Variants in WDR26 observed in about 807,000 individuals in gnomAD.
WDR26 encodes WD repeat-containing protein 26.
In WDR26, 5 loss-of-function variants were observed where a neutral mutation model predicts 84.1. The ratio of observed to expected loss-of-function variants is 0.06; its 90% CI spans 0.03 to 0.13. The LOEUF (loss-of-function observed/expected upper bound fraction) is 0.13, where lower values mean the gene tolerates loss of function less well. WDR26 is among the 10% of genes least tolerant of loss of function. WDR26 has a pLI of 1.00. For missense variants in WDR26, 642 were observed against 974.9 expected, an observed-to-expected ratio of 0.66 and a Z score of 4.55; for synonymous variants, 415 against 389.6, an observed-to-expected ratio of 1.07 and a Z score of -0.77.
At chr1:224,413,801 C>G (rs1462364101) in intron 6 of WDR26, among the ~76,000 whole-genome samples, 1 of 152,032 alleles carries the variant, frequency 6.6e-6, no homozygotes, top group Admixed American at 6.6e-5. Flanking sequence ...TTTTCCTCCT[C>G]TAATGTTTAT....
In WDR26 at chr1:224,415,453, C is replaced by CTTTTTTTTTTT. The variant is rs149995544; in HGVS notation, c.1319+2796_1319+2806dup. 3.6e-3 allele frequency among the ~76,000 whole-genome samples: 297 copies of CTTTTTTTTTTT among 82,282 alleles called. 21 individuals carry two copies. Among genetic ancestry groups the CTTTTTTTTTTT allele is most frequent in the African/African-American group, 0.013 (273 of 20,524 alleles). 54.0% of individuals were successfully genotyped at this position (82,282 alleles called of 152,430 possible). On this transcript the variant is annotated intron_variant, in intron 6 of 13. Transcript: ENST00000414423. ...ACAATTCTGGAACACGTATTTCTTT[C>CTTTTTTTTTTT]TTTTTTTTTTTTTTTTTTTTTTTTT...
At chr1:224,414,911 C>T (rs1224728266) in intron 6 of WDR26, among the ~76,000 whole-genome samples, 2 of 152,292 alleles carry the variant, frequency 1.3e-5, no homozygotes, top group African/African-American at 2.4e-5. Context: ...CACCTGAAGC[C>T]CCAGCTGCTC....
chr1:224,421,813 T>C (rs1283362217), intron 4 of WDR26, among the ~76,000 whole-genome samples: 1 of 152,184 alleles, frequency 6.6e-6, no homozygotes, highest in Non-Finnish European at 1.5e-5. Context: ...GATGTGGTAG[T>C]GGGTAAGACC....
chr1:224,414,198 C>T (rs546011170), intron 6 of WDR26, among the ~76,000 whole-genome samples: 16 of 147,392 alleles, frequency 1.1e-4, no homozygotes, highest in Admixed American at 4.7e-4. Context: ...CTCTACCTCC[C>T]GGGTTCAAGC....
At position 224,419,575 on chromosome 1, in the gene WDR26, C is replaced by A; in HGVS notation, c.1105G>T (p.Ala369Ser). 6.2e-7 allele frequency: 1 copy of A among 1,614,096 alleles called. No homozygotes were observed. The highest frequency in any genetic ancestry group is 8.5e-7 in the Non-Finnish European group (1 of 1,179,976). Residue 369 changes from alanine to serine, a missense_variant, in exon 5 of 14, where the codon GCA (alanine) becomes TCA (serine). Ala to Ser is a moderately conservative substitution (Grantham distance 99). Around this residue, in one of 2 missense-constraint regions of WDR26, gnomAD observed 351 missense variants for 672.8 expected, o/e 0.52. Coordinates refer to ENST00000414423, the MANE Select transcript of WDR26 (RefSeq NM_001379403.1). ...GCTGTCCCTTTGCCTTCCCATTCTG[C>A]TTTTGCACGTAGGTCTTCTGCATGG... is the stretch of plus-strand genomic sequence containing the variant.
Position 224,434,396 on chromosome 1 carries a change from G to T in WDR26, c.10C>A (p.Leu4Ile). 3 of 1,110,682 alleles carry T rather than the reference G, an allele frequency of 2.7e-6. No homozygotes were observed. Among genetic ancestry groups the T allele is most frequent in the Non-Finnish European group, 2.2e-6 (2 of 911,514 alleles). The allele number at this position is 1,110,682 out of a possible 1,614,324, so 68.8% of individuals were successfully genotyped here. ...GCGGAGGCCAGAGTTTCCTCGCCGAGAGAGGCCGTGGTGGGAAGCCGGTGG... is the reference window on the plus strand; with the variant it reads ...GCGGAGGCCAGAGTTTCCTCGCCGATAGAGGCCGTGGTGGGAAGCCGGTGG... Residue 4 changes from leucine (L) to isoleucine (I), a missense_variant, in exon 1 of 14, where the codon CTC becomes ATC. Physicochemically the swap from Leu to Ile is conservative, Grantham distance 5 (BLOSUM62 2). Transcript: ENST00000414423.
intron 3 of WDR26, among the ~76,000 whole-genome samples, chr1:224,428,563 T>C (rs1467192800): frequency 1.3e-5 from 2 of 152,104 alleles, no homozygotes; most frequent in Admixed American, 6.6e-5. Flanking sequence ...CCCATCCAAA[T>C]TGCCCAGAAA....
intron 7 of WDR26, among the ~76,000 whole-genome samples, chr1:224,405,435 C>T (rs939734290): frequency 2.6e-5 from 4 of 152,076 alleles, no homozygotes; most frequent in Admixed American, 6.6e-5. Context: ...TGGGTATATA[C>T]ATAGGAGTGG....
intron 3 of WDR26, among the ~76,000 whole-genome samples, chr1:224,426,666 C>CAA (rs573328756): frequency 0.017 from 1,774 of 104,300 alleles, 29 homozygotes; most frequent in African/African-American, 0.052. Flanking sequence ...CTAAACAATG[C>CAA]AAAAAAAAAA....
At chr1:224,416,876 T>C (rs1019647557) in intron 6 of WDR26, among the ~76,000 whole-genome samples, 4 of 152,212 alleles carry the variant, frequency 2.6e-5, no homozygotes, top group Non-Finnish European at 4.4e-5. Context: ...TCTCTTCCTA[T>C]TGCTATTCAA....
At chr1:224,408,258 A>G (rs941948628) in intron 7 of WDR26, among the ~76,000 whole-genome samples, 2 of 152,074 alleles carry the variant, frequency 1.3e-5, no homozygotes, top group Non-Finnish European at 2.9e-5. Flanking sequence ...ATAGTTCTTT[A>G]CCTCTTCTTC....
chr1:224,400,936 C>T lies in WDR26; in HGVS notation c.1719+14G>A. 2 of 1,607,530 alleles carry T rather than the reference C, an allele frequency of 1.2e-6. No homozygotes were observed. Among genetic ancestry groups the T allele is most frequent in the Non-Finnish European group, 1.7e-6 (2 of 1,178,002 alleles). On this transcript the variant is annotated intron_variant, in intron 9 of 13. Transcript: ENST00000414423. ...AAACCAACAGATACTGGGAAGGGGGCACTGAATACTTACACACTGATAGAA... is the reference window on the plus strand; with the variant it reads ...AAACCAACAGATACTGGGAAGGGGGTACTGAATACTTACACACTGATAGAA...
At chr1:224,422,191 C>G (rs1333229352) in intron 4 of WDR26, among the ~76,000 whole-genome samples, 1 of 152,026 alleles carries the variant, frequency 6.6e-6, no homozygotes, top group Admixed American at 6.6e-5. Context: ...ATGGAGGGGA[C>G]AAGCAGTGCA....
In WDR26 at chr1:224,434,242, G is replaced by A. The variant is rs1177679295; in HGVS notation, c.164C>T (p.Ser55Phe). 1 of 1,379,496 alleles carries A rather than the reference G, an allele frequency of 7.2e-7. No homozygotes were observed. The highest frequency in any genetic ancestry group is 9.3e-7 in the Non-Finnish European group (1 of 1,070,376). 85.5% of individuals were successfully genotyped at this position (1,379,496 alleles called of 1,614,324 possible). Residue 55 changes from serine (S) to phenylalanine (F), a missense_variant, in exon 1 of 14, where the codon TCC becomes TTC. Around this residue, in one of 2 missense-constraint regions of WDR26, gnomAD observed 291 missense variants for 302.1 expected, o/e 0.96. Transcript: ENST00000414423. ...GGAGGAGGAGGACGAGGACGACGAG[G>A]ACGGAGGGGAGAGGCCTGCTCTGCC...
chr1:224,432,359 C>G (rs1674416565), intron 1 of WDR26, among the ~76,000 whole-genome samples: 1 of 152,176 alleles, frequency 6.6e-6, no homozygotes, highest in African/African-American at 2.4e-5. Context: ...CTGCTGTCAG[C>G]TTGCTTCTTG....
rs1221745816 is a variant in WDR26 at position 224,389,863 on chromosome 1, GA to G, written c.2261-4del. ...ACTATCCATGCTACTGCATTCCTCT[GA>G]ATGAAGACAAGATGAAATGTATGGG... On this transcript the variant is annotated splice_region_variant and splice_polypyrimidine_tract_variant and intron_variant, in intron 13 of 13. Transcript: ENST00000414423. The G allele has an allele frequency of 1.1e-6, 1 of 947,440 alleles. No homozygotes were observed. Among genetic ancestry groups the G allele is most frequent in the Admixed American group, 3.6e-5 (1 of 27,432 alleles). 58.7% of individuals were successfully genotyped at this position (947,440 alleles called of 1,614,324 possible).
chr1:224,434,388 C>T lies in WDR26; in HGVS notation c.18G>A (p.Glu6=). 2.6e-6 allele frequency: 3 copies of T among 1,153,348 alleles called. No homozygotes were observed. The highest frequency in any genetic ancestry group is 3.2e-6 in the Non-Finnish European group (3 of 939,252). 71.4% of individuals were successfully genotyped at this position (1,153,348 alleles called of 1,614,324 possible). A position where few individuals can be genotyped will look rare whatever the true frequency, so the allele number is the denominator to read the frequency against. ...AGGAGGAAGCGGAGGCCAGAGTTTC[C>T]TCGCCGAGAGAGGCCGTGGTGGGAA... Residue 6 remains glutamate, a synonymous_variant, in exon 1 of 14, where the codon GAG becomes GAA. Transcript: ENST00000414423.
chr1:224,418,176 G>A (rs764450303), intron 6 of WDR26, 84 bp downstream of exon 6: 44 of 1,165,728 alleles, frequency 3.8e-5, no homozygotes, highest in Non-Finnish European at 5.1e-5. Context: ...CTGTTATATA[G>A]CTACAGGATA....
Position 224,433,959 on chromosome 1 carries a change from G to GGAC in WDR26, c.444_446dup (p.Ser149dup), listed in dbSNP as rs778003049. On this transcript the variant is annotated inframe_insertion, in exon 1 of 14. Coordinates refer to ENST00000414423, the MANE Select transcript of WDR26 (RefSeq NM_001379403.1). ...CATTGGCGTGGGCCAGGTCCCCCGC[G>GGAC]GACGACGACGACGAGGGGGACGACT... 8 of 1,531,876 alleles carry GGAC rather than the reference G, an allele frequency of 5.2e-6. No homozygotes were observed. The highest frequency in any genetic ancestry group is 2.5e-5 in the East Asian group (1 of 40,770). 94.9% of individuals were successfully genotyped at this position (1,531,876 alleles called of 1,614,324 possible).
Sources: allele counts gnomAD v4.1 joint callset (sites outside exome capture counted in the v4.1 genomes callset), GRCh38; gene constraint gnomAD v4.1.1; regional missense constraint gnomAD v4.1.1; transcripts MANE v1.5; gene names NCBI Gene and HGNC (gene_info 2026-07-23, HGNC 2026-07-21).